Variants in BPIFC observed in about 807,000 individuals in gnomAD.
BPIFC encodes the protein BPI fold-containing family C protein.
A neutral mutation model predicts 57.6 loss-of-function variants in BPIFC; 60 were observed. The observed-to-expected ratio is 1.04, with a 90% CI of 0.85 to 1.29. The LOEUF (loss-of-function observed/expected upper bound fraction) is 1.29, where lower values mean the gene tolerates loss of function less well. Among genes scored for constraint, BPIFC ranks in the 50% most tolerant of loss-of-function variants. The pLI, the probability that BPIFC is intolerant of heterozygous loss-of-function variation, is 0.00. For missense variants in BPIFC, 581 were observed against 600.5 expected, an observed-to-expected ratio of 0.97 and a Z score of 0.34; for synonymous variants, 243 against 224.5, an observed-to-expected ratio of 1.08 and a Z score of -0.74.
At chr22:32,427,815 C>T (rs1422203005) in intron 13 of BPIFC, among the ~76,000 whole-genome samples, 1 of 152,120 alleles carries the variant, frequency 6.6e-6, no homozygotes, top group Non-Finnish European at 1.5e-5. Context: ...GGTGAAACCC[C>T]GTCTCTACTA....
chr22:32,418,774 T>C (rs1933754469), intron 14 of BPIFC, among the ~76,000 whole-genome samples: 1 of 152,126 alleles, frequency 6.6e-6, no homozygotes, highest in Non-Finnish European at 1.5e-5. Context: ...TTCTCTATGA[T>C]AGTGCCATCC....
chr22:32,419,357 C>G lies in BPIFC; in HGVS notation c.1260+5G>C. The G allele has an allele frequency of 6.2e-7, 1 of 1,613,146 alleles. No homozygotes were observed. The highest frequency in any genetic ancestry group is 8.5e-7 in the Non-Finnish European group (1 of 1,179,240). On this transcript the variant is annotated splice_donor_5th_base_variant and intron_variant, in intron 14 of 16. Transcript: ENST00000300399. ...CTTGGTAACCCCAAGAGCTCAGATTCCTACCTCAATGTTGCTGCGATTGGA... is the reference window on the plus strand; with the variant it reads ...CTTGGTAACCCCAAGAGCTCAGATTGCTACCTCAATGTTGCTGCGATTGGA...
chr22:32,452,713 C>T (rs1003356640), intron 4 of BPIFC, among the ~76,000 whole-genome samples: 1 of 151,954 alleles, frequency 6.6e-6, no homozygotes, highest in Non-Finnish European at 1.5e-5. Context: ...GGGGAATGAT[C>T]ACCCCAAAGG....
In BPIFC at chr22:32,433,706, C is replaced by T; in HGVS notation, c.978+13G>A. On this transcript the variant is annotated intron_variant, in intron 11 of 16. Transcript: ENST00000300399. ...CCAAATACACTATCAAGACTCAAACCCTGAGCACTTACCCGGGAGAGCACG... is the reference window on the plus strand; with the variant it reads ...CCAAATACACTATCAAGACTCAAACTCTGAGCACTTACCCGGGAGAGCACG... 4 of 1,613,036 alleles carry T rather than the reference C, an allele frequency of 2.5e-6. No individual in the cohort carries two copies. Among genetic ancestry groups the T allele is most frequent in the Non-Finnish European group, 3.4e-6 (4 of 1,179,098 alleles).
In BPIFC at chr22:32,448,375, T is replaced by C. The variant is rs151022271; in HGVS notation, c.246-1035A>G. On this transcript the variant is annotated intron_variant, in intron 4 of 16. Coordinates refer to ENST00000300399, the MANE Select transcript of BPIFC (RefSeq NM_174932.3). ...GGCGTGAGCCACTGTGTCCAGCCCT[T>C]GGCACAGCTATTTTTGTAGAGGACT... Among the ~76,000 whole-genome samples, 47 of 152,250 alleles carry C rather than the reference T, an allele frequency of 3.1e-4. No individual in the cohort carries two copies. In the East Asian group the frequency reaches 8.9e-3, roughly 29 times the overall value.
chr22:32,457,741 T>C (rs1935075173), intron 2 of BPIFC, among the ~76,000 whole-genome samples: 1 of 152,174 alleles, frequency 6.6e-6, no homozygotes, highest in African/African-American at 2.4e-5. Context: ...TGAATATGCA[T>C]CCTTCAGGGC....
At chr22:32,416,946 A>T in intron 15 of BPIFC, 139 bp downstream of exon 15, 1 of 866,894 alleles carries the variant, frequency 1.2e-6, no homozygotes, top group South Asian at 1.3e-5. Flanking sequence ...GCAAATTCTG[A>T]CGCTGGCCTG....
chr22:32,428,936 C>T (rs12163081), intron 13 of BPIFC, among the ~76,000 whole-genome samples: 12,690 of 151,926 alleles, frequency 0.084, 1,062 homozygotes, highest in East Asian at 0.47. Flanking sequence ...GTTGGAAAAA[C>T]AATATACTTA....
At chr22:32,430,965 T>C (rs1569449800) in intron 13 of BPIFC, among the ~76,000 whole-genome samples, 1 of 152,142 alleles carries the variant, frequency 6.6e-6, no homozygotes, top group Non-Finnish European at 1.5e-5. Context: ...ATATTTATAA[T>C]TATTTTGTTC....
intron 16 of BPIFC, 93 bp downstream of exon 16, chr22:32,415,822 A>G (rs1569445351): frequency 1.1e-6 from 1 of 876,276 alleles, no homozygotes; most frequent in Non-Finnish European, 1.6e-6. Context: ...GGACAAAAAC[A>G]AACAACAACA....
chr22:32,432,465 G>A lies in BPIFC; in HGVS notation c.1057C>T (p.Pro353Ser), dbSNP rs778814237. ...GGGATGTCCAGGGTGAAATTGCCTG[G>A]TTGTAGATTGATTATGGGAGGCTCT... ...ATEPPIINLQ[P>S]GNFTLDIPAS... The change falls in exon 12 of 17, where the codon CCA becomes TCA. Residue 353 changes from proline (P) to serine (S), a missense_variant. By Grantham distance (74) the Pro-to-Ser change is moderately conservative. Coordinates refer to ENST00000300399, the MANE Select transcript of BPIFC (RefSeq NM_174932.3). 3 of 1,613,948 alleles carry A rather than the reference G, an allele frequency of 1.9e-6. No homozygotes were observed. The highest frequency in any genetic ancestry group is 1.7e-5 in the Admixed American group (1 of 59,988).
At chr22:32,415,169 C>T (rs915511084) in intron 16 of BPIFC, among the ~76,000 whole-genome samples, 7 of 152,160 alleles carry the variant, frequency 4.6e-5, no homozygotes, top group Non-Finnish European at 8.8e-5. Context: ...AGGGTTTGTG[C>T]TCCTATGAGA....
intron 7 of BPIFC, among the ~76,000 whole-genome samples, chr22:32,443,445 G>A (rs1431271356): frequency 1.3e-5 from 2 of 152,206 alleles, no homozygotes; most frequent in African/African-American, 2.4e-5. Flanking sequence ...TTACAGGCGT[G>A]AGCCACCGCG....
chr22:32,451,080 G>A (rs1568958127), intron 4 of BPIFC, among the ~76,000 whole-genome samples: 1 of 152,112 alleles, frequency 6.6e-6, no homozygotes, highest in Non-Finnish European at 1.5e-5. Flanking sequence ...GCCACCTGTG[G>A]CTAGTGGCTA....
intron 10 of BPIFC, among the ~76,000 whole-genome samples, chr22:32,434,288 CTA>C (rs1329208369): frequency 4.7e-5 from 7 of 147,784 alleles, no homozygotes; most frequent in African/African-American, 1.7e-4. Flanking sequence ...ATATTACACT[CTA>C]TATGTACATA....
intron 9 of BPIFC, 147 bp from the exon 10 acceptor site, chr22:32,436,027 T>C (rs1934384268): frequency 2.4e-6 from 2 of 836,398 alleles, no homozygotes; most frequent in Admixed American, 3.1e-5. Flanking sequence ...CCCAACACTT[T>C]GGGAGGCTGA....
intron 8 of BPIFC, among the ~76,000 whole-genome samples, chr22:32,438,503 T>C (rs7291430): frequency 0.03 from 4,501 of 152,242 alleles, 102 homozygotes; most frequent in Middle Eastern, 0.061. Flanking sequence ...GCAATTTTCA[T>C]GCCTCAGCCT....
Position 32,419,397 on chromosome 22 carries a change from G to C in BPIFC, c.1225C>G (p.Leu409Val). The C allele has an allele frequency of 6.2e-7, 1 of 1,613,630 alleles. No homozygotes were observed. The highest frequency in any genetic ancestry group is 8.5e-7 in the Non-Finnish European group (1 of 1,179,728). ...VCSLSLNRFR[L>V]ALPESNRSNI... is the part of the protein sequence containing the mutation. ...CTGCGATTGGACTCTGGCAAAGCAAGGCGGAATCTAAAAGAAAACAAGAAA... is the reference window on the plus strand; with the variant it reads ...CTGCGATTGGACTCTGGCAAAGCAACGCGGAATCTAAAAGAAAACAAGAAA... The change falls in exon 14 of 17, where the codon CTT becomes GTT. Residue 409 changes from leucine to valine, a missense_variant. Leu to Val is a conservative substitution (Grantham distance 32). Transcript: ENST00000300399.
intron 4 of BPIFC, among the ~76,000 whole-genome samples, chr22:32,452,162 A>T (rs1287416406): frequency 6.6e-6 from 1 of 152,154 alleles, no homozygotes; most frequent in Non-Finnish European, 1.5e-5. Flanking sequence ...TCGGCCTCCC[A>T]AAGGGTTGGG....
Sources: gnomAD v4.1 joint callset for allele counts (sites outside exome capture counted in the v4.1 genomes callset) on GRCh38, gnomAD v4.1.1 for gene constraint, MANE v1.5 for transcripts, NCBI Gene and HGNC (gene_info 2026-07-23, HGNC 2026-07-21) for gene names.